Variants in HAPLN1 observed in about 807,000 individuals in gnomAD.
The protein encoded by HAPLN1 is hyaluronan and proteoglycan link protein 1, also known as Cartilage link protein.
Under a neutral mutation model 36.5 loss-of-function variants are expected in HAPLN1, and 13 were observed. The ratio of observed to expected loss-of-function variants is 0.36; its 90% CI spans 0.23 to 0.57. The LOEUF (loss-of-function observed/expected upper bound fraction) is 0.57, where lower values mean the gene tolerates loss of function less well. Ranked by LOEUF, HAPLN1 falls within the 20% of genes least tolerant of loss-of-function variation. The pLI is 0.83. For synonymous variants in HAPLN1, 202 were observed against 169.8 expected (o/e 1.19, Z -1.48); for missense variants, 407 against 439.7 (o/e 0.93, Z 0.66).
chr5:83,710,534 T>C (rs1241315183), intron 1 of HAPLN1, among the ~76,000 whole-genome samples: 2 of 151,196 alleles, frequency 1.3e-5, no homozygotes, highest in Admixed American at 6.6e-5. Flanking sequence ...ACAGTGAACA[T>C]AGGTAGTTCA....
intron 1 of HAPLN1, among the ~76,000 whole-genome samples, chr5:83,712,768 T>C (rs1751822250): frequency 6.6e-6 from 1 of 152,080 alleles, no homozygotes; most frequent in African/African-American, 2.4e-5. Flanking sequence ...AAGAATTTTT[T>C]TTGGTATAAA....
At chr5:83,677,998 TG>T (rs111653133) in intron 1 of HAPLN1, among the ~76,000 whole-genome samples, 2 of 152,216 alleles carry the variant, frequency 1.3e-5, no homozygotes, top group African/African-American at 4.8e-5. Flanking sequence ...CTCTGGGGGA[TG>T]GGGCCCAGCC....
At chr5:83,650,505 A>C (rs1185837073) in intron 3 of HAPLN1, among the ~76,000 whole-genome samples, 1 of 152,206 alleles carries the variant, frequency 6.6e-6, no homozygotes, top group East Asian at 1.9e-4. Flanking sequence ...GTATCAATTA[A>C]ATTGGTTTCT....
intron 1 of HAPLN1, among the ~76,000 whole-genome samples, chr5:83,712,280 A>G (rs567271757): frequency 1.4e-3 from 208 of 152,216 alleles, no homozygotes; most frequent in Non-Finnish European, 2.5e-3. Flanking sequence ...GTTGTATATT[A>G]TATATATTTT....
chr5:83,670,287 A>C (rs1750670707), intron 2 of HAPLN1, among the ~76,000 whole-genome samples: 1 of 152,174 alleles, frequency 6.6e-6, no homozygotes, highest in Non-Finnish European at 1.5e-5. Context: ...AAGTAAAGTA[A>C]AGTAGCCACA....
chr5:83,644,692 G>C (rs771736990), intron 3 of HAPLN1, 27 bp from the exon 4 acceptor site: 11 of 1,379,780 alleles, frequency 8.0e-6, no homozygotes, highest in African/African-American at 1.5e-5. Flanking sequence ...GCAAGGAGTT[G>C]TTAGAAGCCC....
intron 2 of HAPLN1, among the ~76,000 whole-genome samples, chr5:83,660,104 G>T (rs963788752): frequency 2.0e-5 from 3 of 152,054 alleles, no homozygotes; most frequent in Non-Finnish European, 2.9e-5. Flanking sequence ...TTCTCAAATG[G>T]CATGTTTTGC....
chr5:83,661,690 G>A (rs908291371), intron 2 of HAPLN1, among the ~76,000 whole-genome samples: 5 of 152,086 alleles, frequency 3.3e-5, no homozygotes, highest in Admixed American at 1.3e-4. Flanking sequence ...TGATCCGCCC[G>A]CCTCGGCCTC....
At chr5:83,688,590 A>G (rs1751192594) in intron 1 of HAPLN1, among the ~76,000 whole-genome samples, 2 of 148,734 alleles carry the variant, frequency 1.3e-5, no homozygotes, top group South Asian at 4.2e-4. Context: ...GTGGGCATTC[A>G]CGATTTTGGA....
At chr5:83,674,655 G>A (rs913968941) in intron 1 of HAPLN1, 1 of 152,072 alleles carries the variant, frequency 6.6e-6, no homozygotes, top group Non-Finnish European at 1.5e-5. Flanking sequence ...TGACAATACC[G>A]GCTATTTTTA....
chr5:83,665,094 G>T (rs990483301), intron 2 of HAPLN1, among the ~76,000 whole-genome samples: 4 of 151,768 alleles, frequency 2.6e-5, no homozygotes, highest in Non-Finnish European at 5.9e-5. Flanking sequence ...AGTAAGAATT[G>T]TTCATAACCC....
chr5:83,684,491 C>T (rs924339361), intron 1 of HAPLN1, among the ~76,000 whole-genome samples: 8 of 152,220 alleles, frequency 5.3e-5, no homozygotes, highest in African/African-American at 1.4e-4. Flanking sequence ...GCTTGGCAGG[C>T]ACCTAACCCA....
At chr5:83,643,353 TAAAAAAAAAA>T (rs79459806) in intron 4 of HAPLN1, among the ~76,000 whole-genome samples, 3 of 111,820 alleles carry the variant, frequency 2.7e-5, no homozygotes, top group African/African-American at 3.6e-5. Context: ...TACCCTGTCT[TAAAAAAAAAA>T]AAAAAAAAAA....
At chr5:83,659,953 G>T (rs1249903910) in intron 2 of HAPLN1, among the ~76,000 whole-genome samples, 2 of 151,752 alleles carry the variant, frequency 1.3e-5, no homozygotes, top group Non-Finnish European at 2.9e-5. Context: ...CTGCCTTTTG[G>T]TCTCACAGGC....
chr5:83,681,942 C>T (rs1220569729), intron 1 of HAPLN1, among the ~76,000 whole-genome samples: 1 of 152,124 alleles, frequency 6.6e-6, no homozygotes, highest in Non-Finnish European at 1.5e-5. Flanking sequence ...CTCCTAGTTA[C>T]AGGTTTTATA....
chr5:83,661,435 CTTTTTTTTTTTTTTT>C (rs56005008), intron 2 of HAPLN1, among the ~76,000 whole-genome samples: 5 of 62,976 alleles, frequency 7.9e-5, no homozygotes, highest in Admixed American at 4.8e-4. Flanking sequence ...AGAAAAGCTT[CTTTTTTTTTTTTTTT>C]TTTTTTTTTT....
intron 4 of HAPLN1, 78 bp from the exon 5 acceptor site, chr5:83,641,863 A>C: frequency 6.9e-7 from 1 of 1,438,874 alleles, no homozygotes; most frequent in Non-Finnish European, 9.5e-7. Context: ...CAAAAACGGA[A>C]GTGTTTCTCA....
chr5:83,675,623 A>G (rs1750841919), intron 1 of HAPLN1, among the ~76,000 whole-genome samples: 1 of 152,212 alleles, frequency 6.6e-6, no homozygotes, highest in African/African-American at 2.4e-5. Context: ...ATTTAAAATT[A>G]TACTACTAAG....
intron 2 of HAPLN1, among the ~76,000 whole-genome samples, chr5:83,661,508 G>T (rs529376129): frequency 2.9e-5 from 4 of 136,704 alleles, no homozygotes; most frequent in African/African-American, 1.1e-4. Flanking sequence ...GCAGTGGCGC[G>T]ATCTCAGCTC....
Sources: gnomAD v4.1 joint callset for allele counts (sites outside exome capture counted in the v4.1 genomes callset) on GRCh38, gnomAD v4.1.1 for gene constraint, MANE v1.5 for transcripts, NCBI Gene and HGNC (gene_info 2026-07-23, HGNC 2026-07-21) for gene names.